Variants in KCNIP1 observed in about 807,000 individuals in gnomAD.
KCNIP1 encodes the protein potassium voltage-gated channel interacting protein 1, also known as A-type potassium channel modulatory protein KCNIP1.
In KCNIP1, 18 loss-of-function variants were observed where a neutral mutation model predicts 33.0. That is an observed-to-expected ratio of 0.55 (90% CI 0.38 to 0.81). The LOEUF (loss-of-function observed/expected upper bound fraction) is 0.81, where lower values mean the gene tolerates loss of function less well. KCNIP1 is among the 30% of genes least tolerant of loss of function. The pLI, the probability that KCNIP1 is intolerant of heterozygous loss-of-function variation, is 0.00. For missense variants in KCNIP1, 238 were observed against 271.6 expected (o/e 0.88, Z 0.87); for synonymous variants, 93 against 98.3 (o/e 0.95, Z 0.32).
intron 2 of KCNIP1, 138 bp downstream of exon 2, chr5:170,719,020 G>A: frequency 1.8e-6 from 2 of 1,130,478 alleles, no homozygotes; most frequent in Non-Finnish European, 2.5e-6. Flanking sequence ...AAGGGGGCAT[G>A]AGAGGGAGAT....
chr5:170,726,963 C>CT (rs1359487707), intron 5 of KCNIP1, among the ~76,000 whole-genome samples: 1 of 151,110 alleles, frequency 6.6e-6, no homozygotes, highest in Non-Finnish European at 1.5e-5. Context: ...ATATTTACCC[C>CT]CAAAAGAAAA....
intron 1 of KCNIP1, among the ~76,000 whole-genome samples, chr5:170,444,295 C>T (rs1457358197): frequency 2.0e-5 from 3 of 152,142 alleles, no homozygotes; most frequent in Non-Finnish European, 2.9e-5. Context: ...TGACCCCATT[C>T]TTTGGCTCAT....
intron 1 of KCNIP1, among the ~76,000 whole-genome samples, chr5:170,696,987 A>G (rs953039154): frequency 6.6e-6 from 1 of 151,872 alleles, no homozygotes; most frequent in Non-Finnish European, 1.5e-5. Context: ...AGCTCTCCCC[A>G]TCCTCCCTGT....
chr5:170,580,348 A>G (rs754988591), intron 1 of KCNIP1, among the ~76,000 whole-genome samples: 23 of 152,216 alleles, frequency 1.5e-4, no homozygotes, highest in African/African-American at 1.2e-4. Context: ...AGCAGTTCCT[A>G]TGTACCCTGT....
At chr5:170,634,547 T>C (rs867726775) in intron 1 of KCNIP1, among the ~76,000 whole-genome samples, 29 of 152,104 alleles carry the variant, frequency 1.9e-4, no homozygotes, top group African/African-American at 6.5e-4. Flanking sequence ...TGGCAAGAGA[T>C]AGAATTTTGG....
intron 1 of KCNIP1, among the ~76,000 whole-genome samples, chr5:170,418,763 A>G (rs781075383): frequency 6.6e-6 from 1 of 152,184 alleles, no homozygotes; most frequent in Non-Finnish European, 1.5e-5. Context: ...CTTTGTTCAC[A>G]CTGGGTTCTC....
chr5:170,604,220 G>C (rs1355991586), intron 1 of KCNIP1, among the ~76,000 whole-genome samples: 2 of 152,164 alleles, frequency 1.3e-5, no homozygotes, highest in Non-Finnish European at 2.9e-5. Flanking sequence ...GGAAATCTCA[G>C]GTCCTCGCTA....
chr5:170,419,632 A>G (rs1755426189), intron 1 of KCNIP1, among the ~76,000 whole-genome samples: 1 of 152,224 alleles, frequency 6.6e-6, no homozygotes, highest in African/African-American at 2.4e-5. Context: ...TTGTGCACTT[A>G]CGATGTACCA....
chr5:170,385,790 T>C (rs1240914710), intron 1 of KCNIP1, among the ~76,000 whole-genome samples: 1 of 151,906 alleles, frequency 6.6e-6, no homozygotes, highest in Non-Finnish European at 1.5e-5. Flanking sequence ...CAATGTTACT[T>C]TATGTGGCAA....
chr5:170,704,640 A>T (rs1440274349), intron 1 of KCNIP1, among the ~76,000 whole-genome samples: 1 of 152,126 alleles, frequency 6.6e-6, no homozygotes, highest in African/African-American at 2.4e-5. Context: ...TGTGGGGTGA[A>T]TCTGATGGAA....
chr5:170,402,763 G>A (rs755742184), intron 1 of KCNIP1, among the ~76,000 whole-genome samples: 2 of 152,172 alleles, frequency 1.3e-5, no homozygotes, highest in Non-Finnish European at 2.9e-5. Context: ...TCACACTCTT[G>A]GGATGGAGGC....
intron 5 of KCNIP1, among the ~76,000 whole-genome samples, chr5:170,723,724 G>T (rs1581547545): frequency 6.6e-6 from 1 of 152,288 alleles, no homozygotes; most frequent in African/African-American, 2.4e-5. Flanking sequence ...AGCATAGAGA[G>T]ATGGACAATA....
intron 1 of KCNIP1, among the ~76,000 whole-genome samples, chr5:170,529,604 G>A (rs1561670340): frequency 1.3e-5 from 2 of 152,212 alleles, no homozygotes; most frequent in Admixed American, 1.3e-4. Context: ...CAGCCTGAAG[G>A]ATTATGAGGA....
chr5:170,616,802 C>T (rs556305733), intron 1 of KCNIP1, among the ~76,000 whole-genome samples: 95 of 152,278 alleles, frequency 6.2e-4, no homozygotes, highest in African/African-American at 2.2e-3. Flanking sequence ...TTCCATCTGC[C>T]TGGAACATGC....
intron 6 of KCNIP1, among the ~76,000 whole-genome samples, chr5:170,733,223 G>A (rs183409716): frequency 1.1e-3 from 166 of 152,314 alleles, no homozygotes; most frequent in African/African-American, 3.8e-3. Context: ...TTGTGTCTGG[G>A]AAGTAAGGGG....
intron 1 of KCNIP1, among the ~76,000 whole-genome samples, chr5:170,580,359 A>G (rs562484315): frequency 2.0e-5 from 3 of 152,324 alleles, no homozygotes; most frequent in African/African-American, 7.2e-5. Flanking sequence ...TGTACCCTGT[A>G]CATGTCTTAG....
chr5:170,471,399 T>G lies in KCNIP1; in HGVS notation c.88+117435T>G, dbSNP rs556091129. The stretch of plus-strand genomic sequence containing the variant: ...TGTTTGGTGAGTATATTAGTCAATG[T>G]CTGCAGACCAGATCGGATGACCAAG... On this transcript the variant is annotated intron_variant, in intron 1 of 7. Transcript: ENST00000377360. 3.9e-5 allele frequency among the ~76,000 whole-genome samples: 6 copies of G among 152,350 alleles called. No individual in the cohort carries two copies. In the South Asian group the frequency reaches 1.2e-3, roughly 32 times the overall value.
intron 1 of KCNIP1, among the ~76,000 whole-genome samples, chr5:170,424,741 T>C (rs922470484): frequency 6.6e-6 from 1 of 152,148 alleles, no homozygotes; most frequent in Non-Finnish European, 1.5e-5. Flanking sequence ...CTTTTAAAAG[T>C]AGAAGTCAGA....
chr5:170,378,002 A>G (rs1764077054), intron 1 of KCNIP1: 2 of 152,122 alleles, frequency 1.3e-5, no homozygotes, highest in Non-Finnish European at 2.9e-5. Flanking sequence ...AATGGCATCT[A>G]CCATGGCTTT....
Sources: gnomAD v4.1 joint callset for allele counts (sites outside exome capture counted in the v4.1 genomes callset) on GRCh38, gnomAD v4.1.1 for gene constraint, MANE v1.5 for transcripts, NCBI Gene and HGNC (gene_info 2026-07-23, HGNC 2026-07-21) for gene names.